SEC14L5: variants seen among roughly 807,000 people sequenced by gnomAD.
The protein encoded by SEC14L5 is SEC14-like protein 5.
In SEC14L5, 96 loss-of-function variants were observed where a neutral mutation model predicts 84.6. The observed-to-expected ratio is 1.13, with a 90% CI of 0.96 to 1.34. The LOEUF (loss-of-function observed/expected upper bound fraction) is 1.34, where lower values mean the gene tolerates loss of function less well. Among genes scored for constraint, SEC14L5 ranks in the 40% most tolerant of loss-of-function variants. SEC14L5 has a pLI of 0.00. For missense variants in SEC14L5, 1,224 were observed against 942.5 expected, an observed-to-expected ratio of 1.30 and a Z score of -3.91; for synonymous variants, 546 against 383.4, an observed-to-expected ratio of 1.42 and a Z score of -4.95.
rs933947033 is a variant in SEC14L5 at position 5,006,144 on chromosome 16, G to A, written c.1437+96G>A. The A allele has an allele frequency of 1.2e-5, 16 of 1,346,528 alleles. No homozygotes were observed. In the East Asian group the frequency reaches 2.1e-4, roughly 17 times the overall value. 83.4% of individuals were successfully genotyped at this position (1,346,528 alleles called of 1,614,324 possible). A position where few individuals can be genotyped will look rare whatever the true frequency, so the allele number is the denominator to read the frequency against. On this transcript the variant is annotated intron_variant, in intron 12 of 15. Transcript: ENST00000251170. ...CCCGGAGTGGGGCTGGGAGGTGGAG[G>A]GGGGCTGGGTGCGGCATGTGCACTC...
At chr16:4,998,520 C>G (rs543586273) in intron 8 of SEC14L5, among the ~76,000 whole-genome samples, 1 of 149,508 alleles carries the variant, frequency 6.7e-6, no homozygotes, top group African/African-American at 2.4e-5. Flanking sequence ...GGGCGGATCA[C>G]GAGGTCAGGA....
At position 4,988,245 on chromosome 16, in the gene SEC14L5, A is replaced by G. The variant is rs184592261; in HGVS notation, c.310A>G (p.Asn104Asp). Residue 104 changes from asparagine (N) to aspartate (D), a missense_variant, in exon 4 of 16, where the codon AAC (asparagine) becomes GAC (aspartate). Physicochemically the swap from Asn to Asp is conservative, Grantham distance 23. Coordinates refer to ENST00000251170, the MANE Select transcript of SEC14L5 (RefSeq NM_014692.2). ...CGAAGCGCACAATGAGACCTTCGCC[A>G]ACCGCGTGGTGGTGAACGAGCACTG... ...LIEAHNETFA[N>D]RVVVNEHCSY... The G allele has an allele frequency of 6.5e-5, 105 of 1,613,782 alleles. 1 individual carries two copies. Among genetic ancestry groups the G allele is most frequent in the Middle Eastern group, 3.3e-4 (2 of 6,062 alleles).
In SEC14L5 at chr16:5,008,618, C is replaced by G. The variant is rs762981061; in HGVS notation, c.1770C>G (p.Pro590=). 6.2e-6 allele frequency: 10 copies of G among 1,604,118 alleles called. No individual in the cohort carries two copies. The African/African-American group carries it at 1.2e-4, about 19-fold the overall frequency. ...GGGATTACAGCCGTGTGGAGGCTCC[C>G]CTTGTCTGCCGGGAGGGGGAGAGCA... ...LGRDYSRVEA[P]LVCREGESIQ... The change falls in exon 14 of 16, where the codon CCC becomes CCG. Residue 590 remains proline (P), a synonymous_variant. Transcript: ENST00000251170.
chr16:4,964,970 A>G (rs1955179079), intron 2 of SEC14L5, among the ~76,000 whole-genome samples: 1 of 151,986 alleles, frequency 6.6e-6, no homozygotes, highest in Non-Finnish European at 1.5e-5. Context: ...GCCCCAGGTG[A>G]TCTGCCCACT....
rs527352233 is a variant in SEC14L5, at chr16:4,987,500, G to C, written c.64-57G>C. 5.8e-5 allele frequency: 73 copies of C among 1,257,944 alleles called. 2 individuals carry two copies. The highest frequency in any genetic ancestry group is 7.5e-5 in the Non-Finnish European group (69 of 925,528). The allele number at this position is 1,257,944 out of a possible 1,614,324, so 77.9% of individuals were successfully genotyped here. On this transcript the variant is annotated intron_variant, in intron 2 of 15. Transcript: ENST00000251170. Reference sequence around the variant, plus strand: ...ACAGCAGATAAGGAGGTCGCGCTGGGGGGGGGGGTCCCTCTGCCCCCCCCA... The same window carrying C: ...ACAGCAGATAAGGAGGTCGCGCTGGCGGGGGGGGTCCCTCTGCCCCCCCCA...
At chr16:4,969,863 G>A (rs1282420402) in intron 2 of SEC14L5, among the ~76,000 whole-genome samples, 4 of 150,482 alleles carry the variant, frequency 2.7e-5, no homozygotes, top group South Asian at 2.1e-4. Flanking sequence ...TGTCACCCAG[G>A]CTGGGGTGCA....
intron 10 of SEC14L5, among the ~76,000 whole-genome samples, chr16:5,002,617 G>C (rs552643488): frequency 4.5e-4 from 68 of 152,344 alleles, no homozygotes; most frequent in African/African-American, 1.6e-3. Context: ...TCAAATGAGG[G>C]AGTGTCATGA....
rs1425458514 is a variant in SEC14L5, at chr16:5,016,118, G to A, written c.*1148G>A. The A allele has an allele frequency of 6.6e-6, 1 of 152,194 alleles. No individual in the cohort carries two copies. The highest frequency in any genetic ancestry group is 2.4e-5 in the African/African-American group (1 of 41,440). 9.4% of individuals were successfully genotyped at this position (152,194 alleles called of 1,614,324 possible). On this transcript the variant is annotated 3_prime_UTR_variant, in exon 16 of 16. Coordinates refer to ENST00000251170, the MANE Select transcript of SEC14L5 (RefSeq NM_014692.2). ...TGCTTCAGGTAAGGCTAGATCCAGG[G>A]TCTCAACATGGAGTCTCGATTCCCC...
intron 6 of SEC14L5, among the ~76,000 whole-genome samples, chr16:4,994,469 A>C (rs550692397): frequency 9.9e-5 from 15 of 152,036 alleles, no homozygotes; most frequent in African/African-American, 3.6e-4. Context: ...TCAGCCTCCC[A>C]AGGAGCTGGG....
intron 2 of SEC14L5, among the ~76,000 whole-genome samples, chr16:4,959,622 G>A (rs1223283024): frequency 6.6e-6 from 1 of 152,072 alleles, no homozygotes; most frequent in Non-Finnish European, 1.5e-5. Flanking sequence ...AAGCTGACCT[G>A]CTCCCTTACT....
At chr16:5,010,904 G>A in intron 14 of SEC14L5, 191 bp from the exon 15 acceptor site, 1 of 598,676 alleles carries the variant, frequency 1.7e-6, no homozygotes, top group South Asian at 2.2e-5. Flanking sequence ...TGGTCCCAGG[G>A]ATATGGGGAT....
intron 2 of SEC14L5, among the ~76,000 whole-genome samples, chr16:4,969,094 A>G (rs1955241636): frequency 6.6e-6 from 1 of 152,190 alleles, no homozygotes; most frequent in African/African-American, 2.4e-5. Context: ...CCTGTTGCTA[A>G]CAGATTAAGG....
chr16:4,977,200 A>C (rs1312912301), intron 2 of SEC14L5, among the ~76,000 whole-genome samples: 1 of 152,100 alleles, frequency 6.6e-6, no homozygotes, highest in African/African-American at 2.4e-5. Flanking sequence ...TAATCCCAGC[A>C]CTTTGGGAGG....
Position 5,018,609 on chromosome 16 carries a change from A to T in SEC14L5, c.*3639A>T, listed in dbSNP as rs577194618. ...TTGGAGGTCAAGGCTGGAGTGAGCC[A>T]TGATCTCACCCCTGTACTTCATCCT... is the stretch of plus-strand genomic sequence containing the variant. On this transcript the variant is annotated 3_prime_UTR_variant, in exon 16 of 16. Transcript: ENST00000251170. 9 of 152,242 alleles carry T rather than the reference A, an allele frequency of 5.9e-5. No individual in the cohort carries two copies. Among genetic ancestry groups the T allele is most frequent in the African/African-American group, 1.9e-4 (8 of 41,552 alleles). The allele number at this position is 152,242 out of a possible 1,614,324, so 9.4% of individuals were successfully genotyped here.
At chr16:5,000,055 G>T (rs192211373) in intron 8 of SEC14L5, among the ~76,000 whole-genome samples, 7 of 152,238 alleles carry the variant, frequency 4.6e-5, no homozygotes, top group Admixed American at 4.6e-4. Context: ...ACTTTGGGAG[G>T]CTGAGGTGGG....
intron 11 of SEC14L5, among the ~76,000 whole-genome samples, chr16:5,003,886 A>G (rs1955704296): frequency 6.6e-6 from 1 of 152,194 alleles, no homozygotes; most frequent in South Asian, 2.1e-4. Context: ...TTGGCTTCCC[A>G]AAGTGTTTGT....
intron 6 of SEC14L5, among the ~76,000 whole-genome samples, chr16:4,994,209 C>G (rs1465444198): frequency 2.6e-5 from 4 of 152,124 alleles, no homozygotes; most frequent in African/African-American, 9.7e-5. Flanking sequence ...AAGATGTGTA[C>G]TCAGGTTGAT....
At chr16:4,960,095 T>C (rs1451143402) in intron 2 of SEC14L5, among the ~76,000 whole-genome samples, 1 of 152,214 alleles carries the variant, frequency 6.6e-6, no homozygotes, top group Non-Finnish European at 1.5e-5. Context: ...GCCAGATCCT[T>C]GGCCCCCAGG....
Position 5,003,551 on chromosome 16 carries a change from T to C in SEC14L5, c.1280T>C (p.Val427Ala), listed in dbSNP as rs761153169. Residue 427 changes from valine (V) to alanine (A), a missense_variant, in exon 11 of 16, where the codon GTC becomes GCC. Val to Ala is a moderately conservative substitution (Grantham distance 64). Coordinates refer to ENST00000251170, the MANE Select transcript of SEC14L5 (RefSeq NM_014692.2). ...GRLLIVRAPR[V>A]FPVLWTLISP... ...CTGCTCATCGTGCGAGCCCCCCGAG[T>C]CTTCCCCGTGCTCTGGACACTGGTA... The C allele has an allele frequency of 8.6e-6, 12 of 1,394,724 alleles. No homozygotes were observed. The East Asian group carries it at 4.8e-4, about 56-fold the overall frequency. 86.4% of individuals were successfully genotyped at this position (1,394,724 alleles called of 1,614,324 possible).
Sources: allele counts gnomAD v4.1 joint callset (sites outside exome capture counted in the v4.1 genomes callset), GRCh38; gene constraint gnomAD v4.1.1; transcripts MANE v1.5; gene names NCBI Gene and HGNC (gene_info 2026-07-23, HGNC 2026-07-21).